ZDHHC21: variants seen among roughly 807,000 people sequenced by gnomAD.
ZDHHC21 encodes the protein palmitoyltransferase ZDHHC21.
In ZDHHC21, 15 loss-of-function variants were observed where a neutral mutation model predicts 34.6. The observed-to-expected ratio is 0.43, with a 90% confidence interval of 0.29 to 0.67. ZDHHC21 has a LOEUF of 0.67. Among genes scored for constraint, ZDHHC21 ranks in the 30% least tolerant of loss-of-function variants. The pLI, the probability that ZDHHC21 is intolerant of heterozygous loss-of-function variation, is 0.14. For missense variants in ZDHHC21, 344 were observed against 327.7 expected (o/e 1.05, Z -0.38); for synonymous variants, 142 against 101.8 (o/e 1.40, Z -2.38).
chr9:14,664,741 G>A (rs1347298333), intron 5 of ZDHHC21, among the ~76,000 whole-genome samples: 1 of 152,034 alleles, frequency 6.6e-6, no homozygotes, highest in Non-Finnish European at 1.5e-5. Flanking sequence ...GGGGCACACT[G>A]ACATCTCACA....
chr9:14,683,456 T>C (rs1233216556), intron 2 of ZDHHC21: 9 of 151,946 alleles, frequency 5.9e-5, no homozygotes, highest in Non-Finnish European at 1.3e-4. Context: ...CTAGAAGAAA[T>C]GGATAAATTC....
At chr9:14,662,040 T>C (rs893381703) in intron 6 of ZDHHC21, among the ~76,000 whole-genome samples, 175 bp downstream of exon 6, 1 of 152,192 alleles carries the variant, frequency 6.6e-6, no homozygotes. Flanking sequence ...AGGATTTCTG[T>C]GGAAAAATGA....
At chr9:14,591,100 G>T in the ZDHHC21 span, among the ~76,000 whole-genome samples, 2 of 151,964 alleles carry the variant, frequency 1.3e-5, no homozygotes, top group African/African-American at 4.8e-5. Flanking sequence ...AATTAAAAGA[G>T]GTATACCTCA....
chr9:14,672,536 G>A (rs536695799), intron 5 of ZDHHC21, among the ~76,000 whole-genome samples: 7 of 152,082 alleles, frequency 4.6e-5, no homozygotes, highest in African/African-American at 1.7e-4. Context: ...TTTAACCCAG[G>A]AAGGACAATC....
At chr9:14,602,608 C>T in the ZDHHC21 span, among the ~76,000 whole-genome samples, 9,707 of 152,026 alleles carry the variant, frequency 0.064, 369 homozygotes, top group Admixed American at 0.11. Context: ...CATCAAGTCA[C>T]ATATAAGGAA....
At chr9:14,651,287 T>C (rs530509079) in intron 7 of ZDHHC21, among the ~76,000 whole-genome samples, 2 of 151,924 alleles carry the variant, frequency 1.3e-5, no homozygotes, top group African/African-American at 4.8e-5. Context: ...TTATGATGTT[T>C]AGTATTTTTA....
At chr9:14,643,373 A>G (rs879050383) in intron 7 of ZDHHC21, among the ~76,000 whole-genome samples, 1 of 151,958 alleles carries the variant, frequency 6.6e-6, no homozygotes, top group Non-Finnish European at 1.5e-5. Flanking sequence ...CCTCACCCCT[A>G]CCCTAAAGGT....
chr9:14,633,017 A>T (rs1827624510), intron 8 of ZDHHC21, among the ~76,000 whole-genome samples: 1 of 152,222 alleles, frequency 6.6e-6, no homozygotes, highest in South Asian at 2.1e-4. Context: ...GTTCTTTAAA[A>T]GATAAATGTA....
At chr9:14,690,806 A>C (rs1478700475) in intron 1 of ZDHHC21, among the ~76,000 whole-genome samples, 1 of 152,202 alleles carries the variant, frequency 6.6e-6, no homozygotes, top group African/African-American at 2.4e-5. Flanking sequence ...ATTCTTAACA[A>C]ATCACTTTCA....
chr9:14,686,388 AG>A (rs1935277738), intron 2 of ZDHHC21, among the ~76,000 whole-genome samples: 1 of 152,186 alleles, frequency 6.6e-6, no homozygotes, highest in Non-Finnish European at 1.5e-5. Context: ...CCATTCTCCA[AG>A]ACAGGGAACA....
intron 7 of ZDHHC21, among the ~76,000 whole-genome samples, chr9:14,656,654 C>T (rs543012455): frequency 3.3e-5 from 5 of 151,964 alleles, no homozygotes; most frequent in Admixed American, 6.5e-5. Context: ...GCTAAGAGAA[C>T]GATTTCTGCT....
rs1384794510 is a variant in ZDHHC21, at chr9:14,690,432, C to A, written c.-224-47G>T. 6.0e-5 allele frequency: 26 copies of A among 433,262 alleles called. No individual in the cohort carries two copies. The Admixed American group carries it at 7.4e-4, about 12-fold the overall frequency. The allele number at this position is 433,262 out of a possible 1,614,324, so 26.8% of individuals were successfully genotyped here. A position where few individuals can be genotyped will look rare whatever the true frequency, so the allele number is the denominator to read the frequency against. Reference sequence around the variant, plus strand: ...TTAAAATCAGAAGCTTGGTTGACATCACACTTGAGCATTTTAGGTTAGATT... The same window carrying A: ...TTAAAATCAGAAGCTTGGTTGACATAACACTTGAGCATTTTAGGTTAGATT... On this transcript the variant is annotated intron_variant, in intron 1 of 9. Transcript: ENST00000380916.
chr9:14,669,640 G>A (rs1763245006), intron 5 of ZDHHC21, among the ~76,000 whole-genome samples: 1 of 143,950 alleles, frequency 6.9e-6, no homozygotes, highest in Non-Finnish European at 1.5e-5. Flanking sequence ...TTAAGAAAAT[G>A]TGGCACATAT....
intron 8 of ZDHHC21, among the ~76,000 whole-genome samples, chr9:14,621,659 T>C (rs906483564): frequency 6.6e-6 from 1 of 152,062 alleles, no homozygotes; most frequent in Non-Finnish European, 1.5e-5. Context: ...CAGAATACTG[T>C]TATAAGTACA....
chr9:14,692,005 G>GT (rs1466588571), intron 1 of ZDHHC21, among the ~76,000 whole-genome samples: 6 of 152,200 alleles, frequency 3.9e-5, no homozygotes, highest in Non-Finnish European at 8.8e-5. Context: ...CAGCTGGATA[G>GT]TGACAGAAAT....
At position 14,615,700 on chromosome 9, in the gene ZDHHC21, A is replaced by C. The variant is rs533584714; in HGVS notation, c.*3266T>G. The C allele has an allele frequency of 6.6e-5, 10 of 151,796 alleles. No individual in the cohort carries two copies. In the South Asian group the frequency reaches 1.9e-3, roughly 28 times the overall value. The allele number at this position is 151,796 out of a possible 1,614,324, so 9.4% of individuals were successfully genotyped here. Reference sequence around the variant, plus strand: ...ACAATCTTAAGCCTACATGAAGCCCATAAACATTTTTGTTTGCAGAAAACA... The same window carrying C: ...ACAATCTTAAGCCTACATGAAGCCCCTAAACATTTTTGTTTGCAGAAAACA... On this transcript the variant is annotated 3_prime_UTR_variant, in exon 10 of 10. Coordinates refer to ENST00000380916, the MANE Select transcript of ZDHHC21 (RefSeq NM_178566.6).
At chr9:14,671,148 C>G (rs1456861053) in intron 5 of ZDHHC21, among the ~76,000 whole-genome samples, 2 of 151,976 alleles carry the variant, frequency 1.3e-5, no homozygotes, top group African/African-American at 2.4e-5. Flanking sequence ...ATGACTGAGG[C>G]TGTTTAATGT....
chr9:14,633,529 G>A (rs1827737609), intron 8 of ZDHHC21, among the ~76,000 whole-genome samples: 1 of 152,138 alleles, frequency 6.6e-6, no homozygotes, highest in African/African-American at 2.4e-5. Flanking sequence ...GCAGCTCCAG[G>A]AAGGCACCAT....
the ZDHHC21 span, among the ~76,000 whole-genome samples, chr9:14,603,062 A>C: frequency 2.0e-5 from 3 of 152,046 alleles, no homozygotes; most frequent in Non-Finnish European, 4.4e-5. Flanking sequence ...GGGAGCAGTA[A>C]AGTGGCCTGA....
Sources: allele counts gnomAD v4.1 joint callset (sites outside exome capture counted in the v4.1 genomes callset), GRCh38; gene constraint gnomAD v4.1.1; transcripts MANE v1.5; gene names NCBI Gene and HGNC (gene_info 2026-07-23, HGNC 2026-07-21).